The following CFAP47 variants were observed in gnomAD, a reference collection of about 807,000 sequenced individuals.
The protein encoded by CFAP47 is cilia- and flagella-associated protein 47.
Under a neutral mutation model 148.1 loss-of-function variants are expected in CFAP47, and 29 were observed. The observed-to-expected ratio is 0.20, with a 90% CI of 0.15 to 0.27. CFAP47 has a LOEUF of 0.27. Ranked by LOEUF, CFAP47 falls within the 10% of genes least tolerant of loss-of-function variation. The pLI, the probability that CFAP47 is intolerant of heterozygous loss-of-function variation, is 1.00. For missense variants in CFAP47, 1,872 were observed against 1,697.5 expected, an observed-to-expected ratio of 1.10 and a Z score of -1.81; for synonymous variants, 664 against 577.3, an observed-to-expected ratio of 1.15 and a Z score of -2.15.
chrX:35,995,208 T>C (rs1936832249), intron 18 of CFAP47, among the ~76,000 whole-genome samples: 1 of 111,222 alleles, frequency 9.0e-6, no homozygotes, highest in African/African-American at 3.3e-5. Context: ...AGAGCTGCAA[T>C]GCAGACATAA....
chrX:36,127,014 T>C (rs1569267057), intron 33 of CFAP47, among the ~76,000 whole-genome samples: 1 of 112,444 alleles, frequency 8.9e-6, no homozygotes, highest in Non-Finnish European at 1.9e-5. Flanking sequence ...GATGGATAGA[T>C]TGCAAATATT....
At chrX:36,363,315 C>A (rs6527562) in intron 61 of CFAP47, among the ~76,000 whole-genome samples, 10,353 of 110,783 alleles carry the variant, frequency 0.093, 376 homozygotes, top group East Asian at 0.23. Context: ...GATGGTATAG[C>A]CTACTGCTCA....
intron 48 of CFAP47, among the ~76,000 whole-genome samples, chrX:36,240,552 T>C (rs1940530568): frequency 1.8e-5 from 2 of 111,245 alleles, no homozygotes; most frequent in Non-Finnish European, 3.8e-5. Flanking sequence ...CATCAAACTT[T>C]AATATGAGTC....
chrX:35,997,949 G>GT (rs912338417), intron 19 of CFAP47, among the ~76,000 whole-genome samples: 3 of 110,240 alleles, frequency 2.7e-5, no homozygotes, highest in African/African-American at 6.6e-5. Context: ...GTATTTCTGG[G>GT]TTTTTTTTAA....
intron 21 of CFAP47, among the ~76,000 whole-genome samples, chrX:36,003,571 G>A (rs1423885679): frequency 9.1e-6 from 1 of 109,853 alleles, no homozygotes; most frequent in Non-Finnish European, 1.9e-5. Flanking sequence ...CTAGTCCTCA[G>A]CATTTTTTTT....
chrX:36,305,360 C>G (rs1178351168), intron 54 of CFAP47, among the ~76,000 whole-genome samples: 2 of 111,248 alleles, frequency 1.8e-5, no homozygotes, highest in African/African-American at 6.5e-5. Context: ...GTTTTTGTAT[C>G]CTTTATATCT....
chrX:36,325,711 A>G (rs1556012905), intron 57 of CFAP47, among the ~76,000 whole-genome samples: 1 of 110,979 alleles, frequency 9.0e-6, no homozygotes, highest in Non-Finnish European at 1.9e-5. Context: ...TGGGATGAAG[A>G]TGCCAGGATT....
At position 36,205,126 on chromosome X, in the gene CFAP47, C is replaced by T. The variant is rs192733640; in HGVS notation, c.6817+16C>T. ...AAAGCAAAAGGTAATCAGTGATGTG[C>T]GGCCTAAAAATCTAAGTGTTCCGGG... is the stretch of plus-strand genomic sequence containing the variant. On this transcript the variant is annotated intron_variant, in intron 45 of 63. Coordinates refer to ENST00000378653, the MANE Select transcript of CFAP47 (RefSeq NM_001304548.2). 5 of 293,199 alleles carry T rather than the reference C, an allele frequency of 1.7e-5. No homozygotes were observed. The highest frequency in any genetic ancestry group is 1.1e-4 in the African/African-American group (4 of 36,245). 24.2% of individuals were successfully genotyped at this position (293,199 alleles called of 1,213,427 possible). A position where few individuals can be genotyped will look rare whatever the true frequency, so the allele number is the denominator to read the frequency against.
intron 56 of CFAP47, among the ~76,000 whole-genome samples, chrX:36,314,093 G>A (rs1556010474): frequency 9.0e-6 from 1 of 111,350 alleles, no homozygotes; most frequent in African/African-American, 3.3e-5. Context: ...CATTATTTCT[G>A]GGAGAAGTAA....
Position 36,201,271 on chromosome X carries a change from C to T in CFAP47, c.6437-3C>T, listed in dbSNP as rs142439815. The T allele has an allele frequency of 4.5e-3, 1,324 of 295,407 alleles. 10 individuals carry two copies. The highest frequency in any genetic ancestry group is 0.022 in the African/African-American group (805 of 36,366). 24.3% of individuals were successfully genotyped at this position (295,407 alleles called of 1,213,427 possible). ...TTCATTAATATTTTTTTTCTTCCTC[C>T]AGGGCCTAATAAGAAATACCCAGTT... On this transcript the variant is annotated splice_region_variant and splice_polypyrimidine_tract_variant and intron_variant, in intron 43 of 63. Transcript: ENST00000378653.
At position 35,967,721 on chromosome X, in the gene CFAP47, C is replaced by T. The variant is rs201168613; in HGVS notation, c.1703C>T (p.Thr568Ile). ...GTAGCAATGCTTCAATCAGCCATGACACGCACTCACAATCATCGCTCATGT... is the reference window on the plus strand; with the variant it reads ...GTAGCAATGCTTCAATCAGCCATGATACGCACTCACAATCATCGCTCATGT... ...APVAMLQSAM[T>I]RTHNHRSCEE... Residue 568 changes from threonine (T) to isoleucine (I), a missense_variant, in exon 10 of 64, where the codon ACA becomes ATA. Coordinates refer to ENST00000378653, the MANE Select transcript of CFAP47 (RefSeq NM_001304548.2). 8.3e-7 allele frequency: 1 copy of T among 1,206,130 alleles called. No individual in the cohort carries two copies. Among genetic ancestry groups the T allele is most frequent in the Non-Finnish European group, 1.1e-6 (1 of 892,667 alleles).
chrX:36,070,303 T>A (rs1433099173), intron 27 of CFAP47, among the ~76,000 whole-genome samples: 3 of 110,940 alleles, frequency 2.7e-5, no homozygotes, highest in Non-Finnish European at 5.7e-5. Context: ...AGTTTAACTG[T>A]GAGTAGAAGT....
intron 15 of CFAP47, among the ~76,000 whole-genome samples, chrX:35,986,768 T>C (rs1308835062): frequency 5.4e-5 from 6 of 111,373 alleles, no homozygotes. Context: ...GTTTTTGCCA[T>C]TGGTGACCTT....
intron 8 of CFAP47, among the ~76,000 whole-genome samples, chrX:35,956,547 T>A (rs1188147979): frequency 8.9e-6 from 1 of 112,136 alleles, no homozygotes; most frequent in East Asian, 2.8e-4. Flanking sequence ...AATAACAGAA[T>A]GTTTACTTCT....
At chrX:36,076,472 A>G (rs1937859495) in intron 29 of CFAP47, among the ~76,000 whole-genome samples, 1 of 108,631 alleles carries the variant, frequency 9.2e-6, no homozygotes, top group South Asian at 4.0e-4. Flanking sequence ...GTTGATTTGT[A>G]TTTCTCTGAT....
intron 56 of CFAP47, among the ~76,000 whole-genome samples, chrX:36,317,132 G>A (rs1229483512): frequency 1.8e-5 from 2 of 111,264 alleles, no homozygotes; most frequent in Non-Finnish European, 3.8e-5. Flanking sequence ...GAAAATCCCT[G>A]GAGGTCCTCT....
At chrX:36,037,929 CAT>C (rs1359846818) in intron 24 of CFAP47, among the ~76,000 whole-genome samples, 4 of 111,580 alleles carry the variant, frequency 3.6e-5, no homozygotes, top group Admixed American at 2.9e-4. Flanking sequence ...AAATTTTTCA[CAT>C]AGTCTTTCCA....
At chrX:36,137,855 A>G in intron 33 of CFAP47, 103 bp from the exon 34 acceptor site, 1 of 375,687 alleles carries the variant, frequency 2.7e-6, no homozygotes, top group East Asian at 4.5e-5. Flanking sequence ...TTTGTTTCCC[A>G]AGCAGAAGCA....
At chrX:36,298,336 A>T (rs1391333908) in intron 51 of CFAP47, among the ~76,000 whole-genome samples, 1 of 100,682 alleles carries the variant, frequency 9.9e-6, no homozygotes, top group Non-Finnish European at 2.0e-5. Flanking sequence ...GCATGTTCTC[A>T]CTCATAGGTG....
Sources: gnomAD v4.1 joint callset for allele counts (sites outside exome capture counted in the v4.1 genomes callset) on GRCh38, gnomAD v4.1.1 for gene constraint, MANE v1.5 for transcripts, NCBI Gene and HGNC (gene_info 2026-07-23, HGNC 2026-07-21) for gene names.